ADGRB1: variants seen among roughly 807,000 people sequenced by gnomAD.
ADGRB1 encodes the protein adhesion G protein-coupled receptor B1, also known as brain-specific angiogenesis inhibitor 1.
ADGRB1 carries 36 observed loss-of-function variants against 175.7 expected under a neutral mutation model. That is an observed-to-expected ratio of 0.20 (90% CI 0.16 to 0.27). The LOEUF is 0.27. ADGRB1 is among the 10% of genes least tolerant of loss of function. ADGRB1 has a pLI of 1.00. For synonymous variants in ADGRB1, 1,054 were observed against 979.4 expected (o/e 1.08, Z -1.42); for missense variants, 1,731 against 2,255.3 (o/e 0.77, Z 4.71).
chr8:142,526,686 C>T, intron 24 of ADGRB1, 59 bp downstream of exon 24: 1 of 1,502,666 alleles, frequency 6.7e-7, no homozygotes, highest in East Asian at 2.4e-5. Flanking sequence ...AGAGCCCACC[C>T]AGCCCCGGGG....
chr8:142,518,303 CT>C, intron 19 of ADGRB1, 62 bp downstream of exon 19: 15 of 1,561,808 alleles, frequency 9.6e-6, no homozygotes, highest in African/African-American at 2.7e-5. Context: ...CGCCTCTTCC[CT>C]TGAAGGTCAC....
intron 11 of ADGRB1, 76 bp downstream of exon 11, chr8:142,481,787 G>A (rs1841351244): frequency 7.6e-7 from 1 of 1,321,236 alleles, no homozygotes; most frequent in Non-Finnish European, 1.0e-6. Context: ...CTTAGAGATG[G>A]ATCCCCAACC....
chr8:142,497,322 C>T (rs953297727), intron 17 of ADGRB1, among the ~76,000 whole-genome samples: 4 of 152,178 alleles, frequency 2.6e-5, no homozygotes, highest in Admixed American at 6.5e-5. Context: ...CTTTAAGAGC[C>T]TCTCCCTCAC....
chr8:142,477,332 G>A, intron 5 of ADGRB1, 53 bp from the exon 6 acceptor site: 1 of 1,590,164 alleles, frequency 6.3e-7, no homozygotes, highest in Non-Finnish European at 8.5e-7. Context: ...GGGGGGCCAG[G>A]GCAGCGGGGG....
intron 13 of ADGRB1, among the ~76,000 whole-genome samples, chr8:142,487,011 C>G (rs1452248212): frequency 6.6e-6 from 1 of 152,188 alleles, no homozygotes; most frequent in African/African-American, 2.4e-5. Flanking sequence ...TAGGCTGTCT[C>G]TTTAAAGAAC....
At chr8:142,468,972 C>G (rs544225602) in intron 2 of ADGRB1, among the ~76,000 whole-genome samples, 33 of 152,376 alleles carry the variant, frequency 2.2e-4, no homozygotes, top group Admixed American at 5.9e-4. Flanking sequence ...GCAGCAGGCA[C>G]TCAGTCAGTC....
Position 142,544,424 on chromosome 8 carries a change from GGGCGGC to G in ADGRB1, c.*11_*16del. On this transcript the variant is annotated 3_prime_UTR_variant, in exon 31 of 31. Transcript: ENST00000517894. ...CCTCCAGACCGAGGTCTGAGCGGGT[GGGCGGC>G]GGCCACGCACTGGGCCACGGAGGAG... 6.8e-7 allele frequency: 1 copy of G among 1,469,188 alleles called. No homozygotes were observed. The highest frequency in any genetic ancestry group is 2.5e-5 in the East Asian group (1 of 39,848). The allele number at this position is 1,469,188 out of a possible 1,614,324, so 91.0% of individuals were successfully genotyped here. A position where few individuals can be genotyped will look rare whatever the true frequency, so the allele number is the denominator to read the frequency against.
intron 13 of ADGRB1, 92 bp downstream of exon 13, chr8:142,484,856 G>C (rs1841579403): frequency 1.0e-6 from 1 of 984,810 alleles, no homozygotes; most frequent in African/African-American, 1.6e-5. Flanking sequence ...TGTATAAAGG[G>C]GCAGTGACCA....
intron 1 of ADGRB1, among the ~76,000 whole-genome samples, chr8:142,461,517 T>G (rs1839968476): frequency 6.6e-6 from 1 of 152,144 alleles, no homozygotes; most frequent in Non-Finnish European, 1.5e-5. Context: ...AGTTTCCAGG[T>G]GGGATGACCG....
intron 25 of ADGRB1, among the ~76,000 whole-genome samples, chr8:142,535,066 T>C (rs1844848089): frequency 6.6e-6 from 1 of 152,086 alleles, no homozygotes; most frequent in Admixed American, 6.5e-5. Context: ...AAGAGCCTTG[T>C]GGAAATTAAA....
In ADGRB1 at chr8:142,537,673, G is replaced by T. The variant is rs184848217; in HGVS notation, c.3666+591G>T. On this transcript the variant is annotated intron_variant, in intron 26 of 30. Coordinates refer to ENST00000517894, the MANE Select transcript of ADGRB1 (RefSeq NM_001702.3). The surrounding 1 kb of genome is among the most constrained non-coding windows in gnomAD (Gnocchi z 4.6). Reference sequence around the variant, plus strand: ...CCCTGCCCATCCTGGTGTCCTCAGCGGTGTGTTCTGCACCCCCCGCCCCTG... The same window carrying T: ...CCCTGCCCATCCTGGTGTCCTCAGCTGTGTGTTCTGCACCCCCCGCCCCTG... Among the ~76,000 whole-genome samples the T allele has an allele frequency of 6.6e-6, 1 of 152,014 alleles. No individual in the cohort carries two copies. Among genetic ancestry groups the T allele is most frequent in the South Asian group, 2.1e-4 (1 of 4,828 alleles).
At chr8:142,481,206 C>T (rs1841316517) in intron 9 of ADGRB1, 48 bp from the exon 10 acceptor site, 3 of 1,571,312 alleles carry the variant, frequency 1.9e-6, no homozygotes, top group South Asian at 2.2e-5. Context: ...GGTGGGATTC[C>T]TGGGCCAGGC....
At chr8:142,480,562 C>T (rs1453317277) in intron 9 of ADGRB1, among the ~76,000 whole-genome samples, 5 of 152,218 alleles carry the variant, frequency 3.3e-5, no homozygotes, top group Admixed American at 6.5e-5. Flanking sequence ...ACGTGAATGC[C>T]GCACGGTGGC....
At chr8:142,468,777 G>A (rs542690488) in intron 2 of ADGRB1, among the ~76,000 whole-genome samples, 1 of 152,226 alleles carries the variant, frequency 6.6e-6, no homozygotes, top group East Asian at 1.9e-4. Context: ...AGCAGCTCTG[G>A]GCCCACTCTC....
At chr8:142,501,414 T>C (rs1391614658) in intron 17 of ADGRB1, among the ~76,000 whole-genome samples, 7 of 128,746 alleles carry the variant, frequency 5.4e-5, no homozygotes, top group South Asian at 5.0e-4. Context: ...GTGGTGGTGG[T>C]GATGATGGGG....
chr8:142,465,664 C>G (rs193207844), intron 2 of ADGRB1, among the ~76,000 whole-genome samples: 37 of 152,240 alleles, frequency 2.4e-4, no homozygotes, highest in African/African-American at 6.3e-4. Context: ...AAGACACGAG[C>G]AGCCAGGCCT....
intron 23 of ADGRB1, among the ~76,000 whole-genome samples, chr8:142,524,716 G>A (rs567328913): frequency 1.9e-4 from 29 of 152,266 alleles, no homozygotes; most frequent in Non-Finnish European, 3.2e-4. Context: ...GCTGGTGACC[G>A]CGGCTGCTTG....
chr8:142,539,420 G>A lies in ADGRB1; in HGVS notation c.3706+7G>A, dbSNP rs1845132861. On this transcript the variant is annotated splice_region_variant and intron_variant, in intron 27 of 30. Coordinates refer to ENST00000517894, the MANE Select transcript of ADGRB1 (RefSeq NM_001702.3). ...GATCTGGCCTGTAGATCAGGTGAGCGCCCGACAGGTGAGAGGACAGTGCCA... is the reference window on the plus strand; with the variant it reads ...GATCTGGCCTGTAGATCAGGTGAGCACCCGACAGGTGAGAGGACAGTGCCA... 3.1e-6 allele frequency: 5 copies of A among 1,599,746 alleles called. No homozygotes were observed. The highest frequency in any genetic ancestry group is 1.6e-4 in the Middle Eastern group (1 of 6,068).
In ADGRB1 at chr8:142,510,614, G is replaced by A. The variant is rs925811347; in HGVS notation, c.2676-318G>A. Among the ~76,000 whole-genome samples the A allele has an allele frequency of 1.4e-5, 2 of 146,266 alleles. No individual in the cohort carries two copies. Among genetic ancestry groups the A allele is most frequent in the Non-Finnish European group, 3.0e-5 (2 of 65,772 alleles). ...CTGGGGGCGGCGGGGGCGCGGGGCGGGCGACTGCCGGGCCCCGGGCCAGCT... is the reference window on the plus strand; with the variant it reads ...CTGGGGGCGGCGGGGGCGCGGGGCGAGCGACTGCCGGGCCCCGGGCCAGCT... On this transcript the variant is annotated intron_variant, in intron 17 of 30. Coordinates refer to ENST00000517894, the MANE Select transcript of ADGRB1 (RefSeq NM_001702.3). The surrounding 1 kb of genome is among the most constrained non-coding windows in gnomAD (Gnocchi z 6.3).
Sources: gnomAD v4.1 joint callset for allele counts (sites outside exome capture counted in the v4.1 genomes callset) on GRCh38, gnomAD v4.1.1 for gene constraint, Gnocchi (gnomAD v3.1) non-coding constraint, MANE v1.5 for transcripts, NCBI Gene and HGNC (gene_info 2026-07-23, HGNC 2026-07-21) for gene names.